The following TRPM2 variants were observed in gnomAD, a reference collection of about 807,000 sequenced individuals.
The protein encoded by TRPM2 is estrogen-responsive element-associated gene 1 protein.
Under a neutral mutation model 174.0 loss-of-function variants are expected in TRPM2, and 161 were observed. That is an observed-to-expected ratio of 0.93 (90% CI 0.81 to 1.05). The LOEUF (loss-of-function observed/expected upper bound fraction) is 1.05, where lower values mean the gene tolerates loss of function less well. TRPM2 is among the 50% of genes least tolerant of loss of function. The pLI, the probability that TRPM2 is intolerant of heterozygous loss-of-function variation, is 0.00. For missense variants in TRPM2, 2,057 were observed against 2,038.0 expected (o/e 1.01, Z -0.18); for synonymous variants, 954 against 861.3 (o/e 1.11, Z -1.88).
At chr21:44,378,619 C>T (rs534110427) in intron 7 of TRPM2, among the ~76,000 whole-genome samples, 10 of 152,328 alleles carry the variant, frequency 6.6e-5, no homozygotes, top group African/African-American at 2.4e-4. Flanking sequence ...GTCCAGCACA[C>T]CCTGGAGCCC....
intron 20 of TRPM2, 148 bp downstream of exon 20, chr21:44,414,222 G>C: frequency 9.5e-7 from 1 of 1,057,822 alleles, no homozygotes; most frequent in Admixed American, 2.1e-5. Context: ...GGTGGAGTGT[G>C]CACAGCCACT....
At position 44,366,617 on chromosome 21, in the gene TRPM2, C is replaced by T; in HGVS notation, c.424-137C>T. 8.8e-7 allele frequency: 1 copy of T among 1,131,588 alleles called. No homozygotes were observed. The highest frequency in any genetic ancestry group is 1.3e-6 in the Non-Finnish European group (1 of 791,686). 70.1% of individuals were successfully genotyped at this position (1,131,588 alleles called of 1,614,324 possible). A position where few individuals can be genotyped will look rare whatever the true frequency, so the allele number is the denominator to read the frequency against. On this transcript the variant is annotated intron_variant, in intron 3 of 31. Coordinates refer to ENST00000397928, the MANE Select transcript of TRPM2 (RefSeq NM_003307.4). The surrounding 1 kb of genome is among the most constrained non-coding windows in gnomAD (Gnocchi z 6.0). ...GATCTGTGCCCTGCCCACATGGGGACCCCTTTTCTGGGTCTGAGCCGGAAA... is the reference window on the plus strand; with the variant it reads ...GATCTGTGCCCTGCCCACATGGGGATCCCTTTTCTGGGTCTGAGCCGGAAA...
At chr21:44,368,209 T>A (rs1184655114) in intron 4 of TRPM2, among the ~76,000 whole-genome samples, 1 of 152,200 alleles carries the variant, frequency 6.6e-6, no homozygotes, top group Non-Finnish European at 1.5e-5. Context: ...AGCCTCGACC[T>A]CTTGGGCTCA....
intron 22 of TRPM2, among the ~76,000 whole-genome samples, chr21:44,421,145 T>C (rs185878771): frequency 3.3e-5 from 5 of 152,018 alleles, no homozygotes; most frequent in Non-Finnish European, 7.4e-5. Flanking sequence ...TGGTGAAACC[T>C]CATCTCTACT....
chr21:44,365,330 C>A (rs953508892), intron 3 of TRPM2, among the ~76,000 whole-genome samples: 1 of 152,218 alleles, frequency 6.6e-6, no homozygotes, highest in Non-Finnish European at 1.5e-5. Context: ...AACTTGGTAC[C>A]TGTCGAGTGT....
chr21:44,392,644 T>C (rs1602202489), intron 11 of TRPM2, among the ~76,000 whole-genome samples: 1 of 152,168 alleles, frequency 6.6e-6, no homozygotes. Flanking sequence ...TTAATTACCT[T>C]CTTAAAGGCC....
intron 31 of TRPM2, 60 bp from the exon 32 acceptor site, chr21:44,441,632 G>A: frequency 6.4e-7 from 1 of 1,555,116 alleles, no homozygotes; most frequent in South Asian, 1.2e-5. Flanking sequence ...CAGTCCGTAG[G>A]GCTCAGCTGG....
chr21:44,399,404 C>T lies in TRPM2; in HGVS notation c.2171C>T (p.Ala724Val). Residue 724 changes from alanine to valine, a missense_variant, in exon 14 of 32, where the codon GCC becomes GTC. Ala to Val is a moderately conservative substitution (Grantham distance 64). Coordinates refer to ENST00000397928, the MANE Select transcript of TRPM2 (RefSeq NM_003307.4). This position sits in a 1 kb window ranked among gnomAD's most constrained non-coding sequence, Gnocchi z 4.6. Reference sequence around the variant, plus strand: ...ACCTGCCTGCAGCTCGCCCTGGAGGCCAAGGACATGAAGTTTGTGTCTCAC... The same window carrying T: ...ACCTGCCTGCAGCTCGCCCTGGAGGTCAAGGACATGAAGTTTGTGTCTCAC... ...KTTCLQLALE[A>V]KDMKFVSHGG... The T allele has an allele frequency of 6.2e-7, 1 of 1,612,644 alleles. No homozygotes were observed. Among genetic ancestry groups the T allele is most frequent in the Middle Eastern group, 1.7e-4 (1 of 6,058 alleles).
chr21:44,426,694 C>G lies in TRPM2; in HGVS notation c.3830C>G (p.Thr1277Arg), dbSNP rs113563173. 4 of 1,614,036 alleles carry G rather than the reference C, an allele frequency of 2.5e-6. No individual in the cohort carries two copies. Among genetic ancestry groups the G allele is most frequent in the Middle Eastern group, 3.3e-4 (2 of 6,080 alleles). Residue 1277 changes from threonine to arginine, a missense_variant, in exon 26 of 32, where the codon ACG (threonine) becomes AGG (arginine). Thr to Arg is a moderately conservative substitution (Grantham distance 71). Coordinates refer to ENST00000397928, the MANE Select transcript of TRPM2 (RefSeq NM_003307.4). Reference sequence around the variant, plus strand: ...CTGATCTATGACCCACCCTTTTACACGGCAGAGAGGAAGGACGCGGCCGCC... The same window carrying G: ...CTGATCTATGACCCACCCTTTTACAGGGCAGAGAGGAAGGACGCGGCCGCC... ...EFLIYDPPFY[T>R]AERKDAAAMD...
chr21:44,355,843 G>C (rs1361131142), intron 2 of TRPM2, among the ~76,000 whole-genome samples: 7 of 150,636 alleles, frequency 4.6e-5, no homozygotes, highest in African/African-American at 1.7e-4. Context: ...CGCATCCCTG[G>C]GGAATTGTTC....
Position 44,376,418 on chromosome 21 carries a change from T to G in TRPM2, c.952+405T>G, listed in dbSNP as rs1430922493. The stretch of plus-strand genomic sequence containing the variant: ...GTAATGGGCCAACCTACATTTTTTT[T>G]GGGACAGGGTCTGGAGCGCAGTGGT... On this transcript the variant is annotated intron_variant, in intron 6 of 31. Coordinates refer to ENST00000397928, the MANE Select transcript of TRPM2 (RefSeq NM_003307.4). The surrounding 1 kb of genome is among the most constrained non-coding windows in gnomAD (Gnocchi z 4.2). Among the ~76,000 whole-genome samples, 1 of 152,142 alleles carries G rather than the reference T, an allele frequency of 6.6e-6. No homozygotes were observed. Among genetic ancestry groups the G allele is most frequent in the African/African-American group, 2.4e-5 (1 of 41,420 alleles).
chr21:44,425,062 A>G, intron 24 of TRPM2, 123 bp downstream of exon 24: 5 of 873,874 alleles, frequency 5.7e-6, no homozygotes, highest in Non-Finnish European at 8.6e-6. Flanking sequence ...CACTGGCTGC[A>G]GCCTGTTCCA....
At chr21:44,373,616 CG>C (rs2048608219) in intron 5 of TRPM2, among the ~76,000 whole-genome samples, 4 of 119,634 alleles carry the variant, frequency 3.3e-5, no homozygotes, top group South Asian at 5.0e-4. Context: ...GCATTATATG[CG>C]ACCTGCATTA....
Position 44,436,998 on chromosome 21 carries a change from C to T in TRPM2, c.4062-64C>T, listed in dbSNP as rs867008680. The T allele has an allele frequency of 4.7e-4, 689 of 1,454,342 alleles. 7 individuals are homozygous for T. In the Middle Eastern group the frequency reaches 0.011, roughly 24 times the overall value. 90.1% of individuals were successfully genotyped at this position (1,454,342 alleles called of 1,614,324 possible). A position where few individuals can be genotyped will look rare whatever the true frequency, so the allele number is the denominator to read the frequency against. On this transcript the variant is annotated intron_variant, in intron 28 of 31. Transcript: ENST00000397928. ...CCGCCCCAGGCAGGGCCAGCCCCGC[C>T]GCGGCGCAGGGGAGGGTGGAGGCCG...
intron 7 of TRPM2, 107 bp downstream of exon 7, chr21:44,377,880 G>A (rs766119780): frequency 7.6e-5 from 97 of 1,273,484 alleles, no homozygotes; most frequent in Middle Eastern, 1.9e-4. Context: ...GCAAGAGGGC[G>A]ATGAGCTTTC....
chr21:44,400,945 G>A (rs1198638929), intron 15 of TRPM2, among the ~76,000 whole-genome samples: 1 of 152,182 alleles, frequency 6.6e-6, no homozygotes, highest in Non-Finnish European at 1.5e-5. Flanking sequence ...GGTCTCCTGG[G>A]AGTCAGGGCA....
Position 44,377,777 on chromosome 21 carries a change from A to G in TRPM2, c.1014+4A>G. ...GGGCGGCCCGGGCACGTTGCACGTGAGTATGGCCAGGTGGGAGGGGGCATG... is the reference window on the plus strand; with the variant it reads ...GGGCGGCCCGGGCACGTTGCACGTGGGTATGGCCAGGTGGGAGGGGGCATG... On this transcript the variant is annotated splice_donor_region_variant and intron_variant, in intron 7 of 31. Transcript: ENST00000397928. 2.5e-6 allele frequency: 4 copies of G among 1,614,044 alleles called. No homozygotes were observed. The South Asian group carries it at 3.3e-5, about 13-fold the overall frequency.
At position 44,432,410 on chromosome 21, in the gene TRPM2, A is replaced by T. The variant is rs2051059126; in HGVS notation, c.3975-2721A>T. On this transcript the variant is annotated intron_variant, in intron 27 of 31. Coordinates refer to ENST00000397928, the MANE Select transcript of TRPM2 (RefSeq NM_003307.4). This position sits in a 1 kb window ranked among gnomAD's most constrained non-coding sequence, Gnocchi z 4.9. ...ATAAATCGTACTGGGTTTAGGGCCA[A>T]CCCTATTCCAGTGTAGCTTCATCTT... 6.6e-6 allele frequency among the ~76,000 whole-genome samples: 1 copy of T among 152,122 alleles called. No individual in the cohort carries two copies. Among genetic ancestry groups the T allele is most frequent in the South Asian group, 2.1e-4 (1 of 4,832 alleles).
intron 3 of TRPM2, 117 bp downstream of exon 3, chr21:44,364,399 C>T: frequency 8.0e-7 from 1 of 1,252,112 alleles, no homozygotes; most frequent in Non-Finnish European, 1.1e-6. Flanking sequence ...CTCCAGGGTG[C>T]ATAGAGCCCA....
Sources: allele counts gnomAD v4.1 joint callset (sites outside exome capture counted in the v4.1 genomes callset), GRCh38; gene constraint gnomAD v4.1.1; non-coding constraint Gnocchi (gnomAD v3.1); transcripts MANE v1.5; gene names NCBI Gene and HGNC (gene_info 2026-07-23, HGNC 2026-07-21).